Variants in EGFR observed in about 807,000 individuals in gnomAD.
EGFR encodes the protein avian erythroblastic leukemia viral (v-erb-b) oncogene homolog.
A neutral mutation model predicts 143.0 loss-of-function variants in EGFR; 58 were observed. The ratio of observed to expected loss-of-function variants is 0.41; its 90% CI spans 0.33 to 0.50. The LOEUF is 0.50. Among genes scored for constraint, EGFR ranks in the 20% least tolerant of loss-of-function variants. The probability of loss-of-function intolerance (pLI) is 0.39; values close to 1 mark genes in which losing one functional copy is unlikely to be tolerated. For synonymous variants in EGFR, 613 were observed against 594.4 expected (o/e 1.03, Z -0.45); for missense variants, 1,307 against 1,579.0 (o/e 0.83, Z 2.92).
intron 1 of EGFR, among the ~76,000 whole-genome samples, chr7:55,047,930 A>G (rs544629002): frequency 6.6e-6 from 1 of 152,316 alleles, no homozygotes; most frequent in African/African-American, 2.4e-5. Context: ...TATAACCTCT[A>G]TATCTAGACA....
intron 1 of EGFR, among the ~76,000 whole-genome samples, chr7:55,141,137 C>A (rs369521389): frequency 2.0e-5 from 3 of 152,182 alleles, no homozygotes; most frequent in African/African-American, 7.2e-5. Context: ...TGAGGAAGAA[C>A]CTGGCCAAGG....
Position 55,062,673 on chromosome 7 carries a change from T to C in EGFR, c.88+43308T>C, listed in dbSNP as rs532598381. 5.3e-5 allele frequency among the ~76,000 whole-genome samples: 8 copies of C among 152,264 alleles called. 1 individual carries two copies. In the South Asian group the frequency reaches 1.7e-3, roughly 32 times the overall value. On this transcript the variant is annotated intron_variant, in intron 1 of 27. Coordinates refer to ENST00000275493, the MANE Select transcript of EGFR (RefSeq NM_005228.5). ...ATTACTGCACGTTCCCATCGCTATT[T>C]TATGTGAAGGTGGTCCTGGGGGCTG... is the stretch of plus-strand genomic sequence containing the variant.
At chr7:55,189,692 C>T (rs1363702209) in intron 20 of EGFR, among the ~76,000 whole-genome samples, 1 of 152,196 alleles carries the variant, frequency 6.6e-6, no homozygotes, top group Admixed American at 6.5e-5. Context: ...GCCTGTGCCA[C>T]TCCTGCTCAA....
At chr7:55,090,525 A>G (rs1388331474) in intron 1 of EGFR, among the ~76,000 whole-genome samples, 2 of 152,210 alleles carry the variant, frequency 1.3e-5, no homozygotes, top group Non-Finnish European at 2.9e-5. Context: ...AACAAAATAG[A>G]TGTTAAAGCA....
chr7:55,181,716 T>G, intron 20 of EGFR: 1 of 590,536 alleles, frequency 1.7e-6, no homozygotes, highest in Non-Finnish European at 3.0e-6. Flanking sequence ...AATTTTCTCT[T>G]TATTGAGTGC....
At chr7:55,110,083 T>G in intron 1 of EGFR, 1 of 397,640 alleles carries the variant, frequency 2.5e-6, no homozygotes, top group Non-Finnish European at 3.4e-6. Context: ...AGTGAGGAGA[T>G]TCCTAGGAAT....
rs540532841 is a variant in EGFR, at chr7:55,110,848, C to T, written c.89-31438C>T. On this transcript the variant is annotated intron_variant, in intron 1 of 27. Transcript: ENST00000275493. ...CAGATCTTGGGCCCAGGTGTGAAGT[C>T]GCTGGAGAAGCATTTCAGGGCCAAG... Among the ~76,000 whole-genome samples the T allele has an allele frequency of 1.8e-4, 27 of 152,276 alleles. No individual in the cohort carries two copies. The East Asian group carries it at 4.4e-3, about 25-fold the overall frequency.
intron 15 of EGFR, chr7:55,170,693 A>AC (rs781307402): frequency 6.4e-7 from 1 of 1,559,900 alleles, no homozygotes; most frequent in Non-Finnish European, 8.6e-7. Context: ...GCTAACCATC[A>AC]CCCCCAGGAC....
At chr7:55,174,855 CTCTGAACCT>C in intron 19 of EGFR, 35 bp downstream of exon 19, 1 of 1,556,676 alleles carries the variant, frequency 6.4e-7, no homozygotes, top group Non-Finnish European at 8.9e-7. Flanking sequence ...GGGTCCATGG[CTCTGAACCT>C]CAGGCCCACC....
chr7:55,170,645 T>C, intron 15 of EGFR: 1 of 1,599,084 alleles, frequency 6.3e-7, no homozygotes, highest in Non-Finnish European at 8.5e-7. Context: ...TTTCCTTCCT[T>C]CCACTCCCTT....
intron 1 of EGFR, among the ~76,000 whole-genome samples, chr7:55,116,037 CACA>C (rs1792821626): frequency 6.6e-6 from 1 of 152,168 alleles, no homozygotes; most frequent in African/African-American, 2.4e-5. Context: ...TAGAATGGGG[CACA>C]ACATGTGGAT....
rs1177197800 is a variant in EGFR at position 55,142,274 on chromosome 7, T to C, written c.89-12T>C. Reference sequence around the variant, plus strand: ...CTCAGTATTTCATGTGATATCTGTCTTTTTCTTCCAGTTTGCCAAGGCACG... The same window carrying C: ...CTCAGTATTTCATGTGATATCTGTCCTTTTCTTCCAGTTTGCCAAGGCACG... On this transcript the variant is annotated splice_polypyrimidine_tract_variant and intron_variant, in intron 1 of 27. Coordinates refer to ENST00000275493, the MANE Select transcript of EGFR (RefSeq NM_005228.5). 6.2e-7 allele frequency: 1 copy of C among 1,614,180 alleles called. No individual in the cohort carries two copies.
intron 14 of EGFR, among the ~76,000 whole-genome samples, chr7:55,164,587 A>G (rs1216233495): frequency 6.6e-6 from 1 of 152,236 alleles, no homozygotes; most frequent in East Asian, 1.9e-4. Flanking sequence ...TGACATAGTC[A>G]TCTAATTATG....
intron 27 of EGFR, chr7:55,203,040 A>G (rs991494468): frequency 2.4e-5 from 8 of 335,062 alleles, no homozygotes; most frequent in African/African-American, 1.5e-4. Context: ...CTAATTAAAT[A>G]TTAGTTAATA....
chr7:55,063,026 A>C (rs1239386136), intron 1 of EGFR, among the ~76,000 whole-genome samples: 14 of 152,142 alleles, frequency 9.2e-5, no homozygotes, highest in Admixed American at 7.2e-4. Flanking sequence ...CTTTCTCCAC[A>C]AACTCACAGA....
chr7:55,100,970 C>A (rs1791781930), intron 1 of EGFR, among the ~76,000 whole-genome samples: 1 of 152,258 alleles, frequency 6.6e-6, no homozygotes, highest in Non-Finnish European at 1.5e-5. Context: ...CCCTGCCTCA[C>A]CTTTACCTGG....
At chr7:55,120,617 G>A (rs779899901) in intron 1 of EGFR, among the ~76,000 whole-genome samples, 1 of 152,104 alleles carries the variant, frequency 6.6e-6, no homozygotes, top group Non-Finnish European at 1.5e-5. Context: ...AGCTCCATCC[G>A]GGCGGAGACT....
rs772445400 is a variant in EGFR at position 55,156,701 on chromosome 7, T to C, written c.1133+42T>C. 70 of 1,614,086 alleles carry C rather than the reference T, an allele frequency of 4.3e-5. 1 individual carries two copies. In the South Asian group the frequency reaches 7.4e-4, roughly 17 times the overall value. Reference sequence around the variant, plus strand: ...GTTGCTTGTATAAAGAAAAACAAAATCTGCCTTTTTAACTGGTAGAGATTG... The same window carrying C: ...GTTGCTTGTATAAAGAAAAACAAAACCTGCCTTTTTAACTGGTAGAGATTG... On this transcript the variant is annotated intron_variant, in intron 9 of 27. Transcript: ENST00000275493.
intron 1 of EGFR, among the ~76,000 whole-genome samples, chr7:55,075,406 A>G (rs1301999257): frequency 6.6e-6 from 1 of 152,196 alleles, no homozygotes; most frequent in East Asian, 1.9e-4. Context: ...TTTATAATAT[A>G]GATAGTTTAT....
Sources: gnomAD v4.1 joint callset for allele counts (sites outside exome capture counted in the v4.1 genomes callset) on GRCh38, gnomAD v4.1.1 for gene constraint, MANE v1.5 for transcripts, NCBI Gene and HGNC (gene_info 2026-07-23, HGNC 2026-07-21) for gene names.